The following TRAPPC9 variants were observed in gnomAD, a reference collection of about 807,000 sequenced individuals.
TRAPPC9 encodes the protein trafficking protein particle complex subunit 9.
A neutral mutation model predicts 124.0 loss-of-function variants in TRAPPC9; 83 were observed. The ratio of observed to expected loss-of-function variants is 0.67; its 90% CI spans 0.56 to 0.80. The LOEUF (loss-of-function observed/expected upper bound fraction) is 0.80, where lower values mean the gene tolerates loss of function less well. TRAPPC9 is among the 30% of genes least tolerant of loss of function. The pLI is 0.00. For missense variants in TRAPPC9, 1,302 were observed against 1,508.3 expected (o/e 0.86, Z 2.27); for synonymous variants, 638 against 617.5 (o/e 1.03, Z -0.49).
intron 17 of TRAPPC9, among the ~76,000 whole-genome samples, chr8:140,157,977 A>G (rs1298204191): frequency 6.6e-6 from 1 of 151,990 alleles, no homozygotes; most frequent in Non-Finnish European, 1.5e-5. Flanking sequence ...GTCTTTCTAG[A>G]CCTTTATTTT....
intron 21 of TRAPPC9, among the ~76,000 whole-genome samples, chr8:139,870,887 G>A (rs966526882): frequency 1.3e-5 from 2 of 152,174 alleles, no homozygotes; most frequent in African/African-American, 4.8e-5. Context: ...CTGGCTTGCA[G>A]GGGCTACCAT....
At chr8:139,777,535 G>A (rs1410583412) in intron 21 of TRAPPC9, among the ~76,000 whole-genome samples, 1 of 152,228 alleles carries the variant, frequency 6.6e-6, no homozygotes, top group Non-Finnish European at 1.5e-5. Flanking sequence ...ATGAAGGAAA[G>A]ATTTCCTCCT....
At chr8:140,159,447 AT>A (rs1183739716) in intron 17 of TRAPPC9, among the ~76,000 whole-genome samples, 7 of 152,184 alleles carry the variant, frequency 4.6e-5, no homozygotes, top group Non-Finnish European at 1.0e-4. Flanking sequence ...CTCCTTAGAC[AT>A]CTGCCGATGT....
At chr8:139,956,166 T>C (rs1459048799) in intron 19 of TRAPPC9, among the ~76,000 whole-genome samples, 8 of 152,050 alleles carry the variant, frequency 5.3e-5, no homozygotes, top group African/African-American at 1.9e-4. Flanking sequence ...TCGTTTTTTT[T>C]TTTCTTTTAT....
rs981672336 is a variant in TRAPPC9 at position 140,429,114 on chromosome 8, C to G, written c.860-2473G>C. Among the ~76,000 whole-genome samples, 19 of 149,096 alleles carry G rather than the reference C, an allele frequency of 1.3e-4. 1 individual carries two copies. The highest frequency in any genetic ancestry group is 4.7e-4 in the African/African-American group (19 of 40,706). ...TTTTTTTTTTTGAGACAGAGTCTCA[C>G]TCTGTCGCCCAGGCTGGAGTGCAGT... On this transcript the variant is annotated intron_variant, in intron 4 of 22. Coordinates refer to ENST00000438773, the MANE Select transcript of TRAPPC9 (RefSeq NM_001160372.4).
chr8:139,888,238 G>C (rs1056084690), intron 20 of TRAPPC9, among the ~76,000 whole-genome samples: 10 of 152,228 alleles, frequency 6.6e-5, no homozygotes, highest in African/African-American at 2.4e-4. Flanking sequence ...CACTGGCTCT[G>C]CTCCCTCTCT....
At chr8:139,981,433 G>A (rs1032780693) in intron 19 of TRAPPC9, among the ~76,000 whole-genome samples, 1 of 152,138 alleles carries the variant, frequency 6.6e-6, no homozygotes, top group South Asian at 2.1e-4. Context: ...GAAAATCCAC[G>A]CAAAAACTCA....
chr8:140,094,105 G>A (rs1300596698), intron 17 of TRAPPC9, among the ~76,000 whole-genome samples: 3 of 152,020 alleles, frequency 2.0e-5, no homozygotes, highest in Admixed American at 6.6e-5. Context: ...CCCACTCATC[G>A]CACCTCACCC....
intron 21 of TRAPPC9, among the ~76,000 whole-genome samples, chr8:139,775,052 T>C (rs1821266187): frequency 6.6e-6 from 1 of 152,130 alleles, no homozygotes; most frequent in Non-Finnish European, 1.5e-5. Flanking sequence ...TCCCCAAGAA[T>C]GTCTAAGGGC....
chr8:140,437,993 A>G (rs766316856), intron 3 of TRAPPC9, among the ~76,000 whole-genome samples: 1 of 152,114 alleles, frequency 6.6e-6, no homozygotes, highest in Non-Finnish European at 1.5e-5. Flanking sequence ...CTTTCTTTTA[A>G]TTTTTAAGAT....
At chr8:140,327,519 T>C (rs767028928) in intron 9 of TRAPPC9, among the ~76,000 whole-genome samples, 3 of 152,168 alleles carry the variant, frequency 2.0e-5, no homozygotes, top group Admixed American at 6.5e-5. Flanking sequence ...CAAATGTCCA[T>C]TGACTGATGA....
At chr8:139,734,009 T>A (rs1416103518) in intron 21 of TRAPPC9, among the ~76,000 whole-genome samples, 1 of 152,172 alleles carries the variant, frequency 6.6e-6, no homozygotes, top group Non-Finnish European at 1.5e-5. Flanking sequence ...GAAAGCACCT[T>A]CTAAGACCCC....
At chr8:140,362,863 T>C (rs1217738701) in intron 8 of TRAPPC9, among the ~76,000 whole-genome samples, 1 of 152,216 alleles carries the variant, frequency 6.6e-6, no homozygotes, top group Non-Finnish European at 1.5e-5. Context: ...CTGATTCTTT[T>C]AAAAATAGAT....
At chr8:140,100,527 T>C (rs1350505805) in intron 17 of TRAPPC9, 1 of 152,324 alleles carries the variant, frequency 6.6e-6, no homozygotes, top group African/African-American at 2.4e-5. Flanking sequence ...AGGTCTTCCA[T>C]GTACCGCTGC....
At position 140,418,954 on chromosome 8, in the gene TRAPPC9, A is replaced by G. The variant is rs552759810; in HGVS notation, c.886+7661T>C. ...ACCACATGATCATCTCAACAGACAC[A>G]AAGAAAGCATTTGATAAATTCAACA... is the stretch of plus-strand genomic sequence containing the variant. On this transcript the variant is annotated intron_variant, in intron 5 of 22. Transcript: ENST00000438773. Among the ~76,000 whole-genome samples, 161 of 152,306 alleles carry G rather than the reference A, an allele frequency of 1.1e-3. 4 individuals are homozygous for G. Among genetic ancestry groups the G allele is most frequent in the Admixed American group, 9.9e-3 (152 of 15,300 alleles).
intron 17 of TRAPPC9, among the ~76,000 whole-genome samples, chr8:140,112,841 CTTTTT>C (rs34920600): frequency 3.9e-5 from 5 of 129,274 alleles, no homozygotes; most frequent in Admixed American, 1.5e-4. Flanking sequence ...TTTTAATTTC[CTTTTT>C]TTTTTTTTTT....
intron 17 of TRAPPC9, among the ~76,000 whole-genome samples, chr8:140,157,219 CAAA>C: frequency 3.9e-4 from 12 of 30,848 alleles, no homozygotes; most frequent in Non-Finnish European, 5.8e-4. Flanking sequence ...CTTTTCCATT[CAAA>C]AGCCTCCCTT....
chr8:139,952,873 CTAT>C (rs1834730714), intron 19 of TRAPPC9, among the ~76,000 whole-genome samples: 10 of 152,202 alleles, frequency 6.6e-5, no homozygotes, highest in Admixed American at 6.5e-4. Context: ...CCAGCACATT[CTAT>C]TATTAACACA....
intron 17 of TRAPPC9, among the ~76,000 whole-genome samples, chr8:140,162,892 T>C (rs2061774801): frequency 6.6e-6 from 1 of 152,062 alleles, no homozygotes; most frequent in Non-Finnish European, 1.5e-5. Flanking sequence ...CTTGGGAGAC[T>C]GAGGTGGGAG....
Sources: allele counts gnomAD v4.1 joint callset (sites outside exome capture counted in the v4.1 genomes callset), GRCh38; gene constraint gnomAD v4.1.1; transcripts MANE v1.5; gene names NCBI Gene and HGNC (gene_info 2026-07-23, HGNC 2026-07-21).